Variants in SPATA17 observed in about 807,000 individuals in gnomAD.
The protein encoded by SPATA17 is spermatogenesis-associated protein 17.
Under a neutral mutation model 62.2 loss-of-function variants are expected in SPATA17, and 53 were observed. The ratio of observed to expected loss-of-function variants is 0.85; its 90% CI spans 0.68 to 1.07. The LOEUF (loss-of-function observed/expected upper bound fraction) is 1.07. Ranked by LOEUF, SPATA17 falls within the 50% of genes least tolerant of loss-of-function variation. The pLI is 0.00. For synonymous variants in SPATA17, 146 were observed against 146.8 expected (o/e 0.99, Z 0.04); for missense variants, 466 against 425.5 (o/e 1.10, Z -0.84).
intron 10 of SPATA17, among the ~76,000 whole-genome samples, chr1:217,863,521 G>T (rs555779036): frequency 6.6e-6 from 1 of 152,104 alleles, no homozygotes; most frequent in South Asian, 2.1e-4. Context: ...ACTTCTCAGT[G>T]CTGTGTTGAT....
At chr1:217,723,047 A>G (rs987761279) in intron 5 of SPATA17, among the ~76,000 whole-genome samples, 1 of 152,178 alleles carries the variant, frequency 6.6e-6, no homozygotes, top group Non-Finnish European at 1.5e-5. Flanking sequence ...AATCTTCCAC[A>G]TATAGACCCA....
intron 7 of SPATA17, among the ~76,000 whole-genome samples, chr1:217,780,504 A>G (rs1673705776): frequency 1.3e-5 from 2 of 152,148 alleles, no homozygotes; most frequent in Non-Finnish European, 2.9e-5. Flanking sequence ...TGGAACTAAT[A>G]AGTTCCAGAA....
At chr1:217,771,458 T>C (rs969203442) in intron 6 of SPATA17, among the ~76,000 whole-genome samples, 2 of 152,156 alleles carry the variant, frequency 1.3e-5, no homozygotes, top group Non-Finnish European at 2.9e-5. Context: ...GGCTTACTAA[T>C]GATGAAATAT....
Position 217,686,023 on chromosome 1 carries a change from A to G in SPATA17, c.395+2662A>G, listed in dbSNP as rs549423909. On this transcript the variant is annotated intron_variant, in intron 5 of 10. Transcript: ENST00000366933. ...TAGGTATGTATGTATGGGAGGAAAC[A>G]TATTATTTATAGGGTTCAATATTAT... Among the ~76,000 whole-genome samples the G allele has an allele frequency of 7.2e-5, 11 of 152,286 alleles. No homozygotes were observed. In the East Asian group the frequency reaches 2.1e-3, roughly 29 times the overall value.
At chr1:217,781,853 C>G (rs527486216) in intron 7 of SPATA17, among the ~76,000 whole-genome samples, 2 of 151,896 alleles carry the variant, frequency 1.3e-5, no homozygotes, top group African/African-American at 4.8e-5. Context: ...TTATACTGAA[C>G]AAAATGTGCT....
intron 9 of SPATA17, among the ~76,000 whole-genome samples, chr1:217,817,832 A>G (rs1674761702): frequency 1.3e-5 from 2 of 152,148 alleles, no homozygotes; most frequent in South Asian, 4.1e-4. Context: ...ACACATGCTT[A>G]GTGTACAGGC....
intron 8 of SPATA17, among the ~76,000 whole-genome samples, chr1:217,787,015 A>T (rs1179715316): frequency 1.3e-5 from 2 of 152,006 alleles, no homozygotes; most frequent in Non-Finnish European, 2.9e-5. Flanking sequence ...CTTGAGTGTG[A>T]ATTGCATCAC....
rs189909392 is a variant in SPATA17, at chr1:217,677,819, A to G, written c.292-5439A>G. On this transcript the variant is annotated intron_variant, in intron 4 of 10. Coordinates refer to ENST00000366933, the MANE Select transcript of SPATA17 (RefSeq NM_138796.4). ...CAGAATATTAAAGAGAGGAAACTGC[A>G]CATTTAATAATTATCCAGAATCTTT... Among the ~76,000 whole-genome samples the G allele has an allele frequency of 1.2e-3, 177 of 152,318 alleles. 1 individual carries two copies. Among genetic ancestry groups the G allele is most frequent in the Non-Finnish European group, 1.6e-3 (109 of 68,002 alleles).
chr1:217,759,756 A>C (rs1289338100), intron 6 of SPATA17, among the ~76,000 whole-genome samples: 1 of 152,212 alleles, frequency 6.6e-6, no homozygotes, highest in Non-Finnish European at 1.5e-5. Context: ...AAAGTAGTGC[A>C]GTAGTTTGAG....
chr1:217,806,893 A>C (rs904365543), intron 9 of SPATA17, among the ~76,000 whole-genome samples: 1 of 152,254 alleles, frequency 6.6e-6, no homozygotes, highest in Admixed American at 6.5e-5. Context: ...TGGCTACAAA[A>C]TTCAGGCTAT....
chr1:217,850,333 A>G, intron 9 of SPATA17: 2 of 528,176 alleles, frequency 3.8e-6, no homozygotes, highest in Admixed American at 3.3e-5. Flanking sequence ...TCTAAACTTA[A>G]GTGGGGGCAG....
chr1:217,765,114 T>C (rs1421570434), intron 6 of SPATA17, among the ~76,000 whole-genome samples: 2 of 152,022 alleles, frequency 1.3e-5, no homozygotes, highest in African/African-American at 2.4e-5. Flanking sequence ...TCTGTAGTAA[T>C]GTCTTCCCTT....
At chr1:217,786,750 T>TTTCTTCTTCTTCCTCTTCTTC (rs1446756516) in intron 8 of SPATA17, among the ~76,000 whole-genome samples, 11 of 107,550 alleles carry the variant, frequency 1.0e-4, no homozygotes, top group East Asian at 6.6e-4. Context: ...TGATATTCTC[T>TTTCTTCTTCTTCCTCTTCTTC]TTCTTCTTCT....
chr1:217,672,699 A>C (rs796283444), intron 4 of SPATA17, among the ~76,000 whole-genome samples: 12 of 152,132 alleles, frequency 7.9e-5, no homozygotes, highest in African/African-American at 2.9e-4. Flanking sequence ...GATTTGCTGC[A>C]TTTATTTTTT....
intron 1 of SPATA17, among the ~76,000 whole-genome samples, chr1:217,632,320 A>G (rs1669816696): frequency 6.6e-6 from 1 of 152,212 alleles, no homozygotes; most frequent in Admixed American, 6.5e-5. Flanking sequence ...TCATCTCCCT[A>G]CAGCCAAACT....
intron 9 of SPATA17, among the ~76,000 whole-genome samples, chr1:217,806,934 G>A (rs895995737): frequency 2.0e-5 from 3 of 151,922 alleles, no homozygotes; most frequent in East Asian, 1.9e-4. Context: ...TATATGCAGC[G>A]CACATACAGC....
intron 7 of SPATA17, among the ~76,000 whole-genome samples, chr1:217,777,786 A>T (rs1342196216): frequency 1.3e-5 from 2 of 152,126 alleles, no homozygotes; most frequent in Non-Finnish European, 2.9e-5. Context: ...CTGGAGTGAC[A>T]AGCATAGTGG....
chr1:217,810,986 C>A (rs1475355073), intron 9 of SPATA17, among the ~76,000 whole-genome samples: 1 of 152,034 alleles, frequency 6.6e-6, no homozygotes, highest in Non-Finnish European at 1.5e-5. Context: ...AGAGCCAAAC[C>A]ATATCACCCT....
intron 3 of SPATA17, among the ~76,000 whole-genome samples, chr1:217,659,369 A>T (rs1670516578): frequency 6.6e-6 from 1 of 152,128 alleles, no homozygotes; most frequent in African/African-American, 2.4e-5. Context: ...AAAATTAGAT[A>T]GTTGCTCTAG....
Sources: allele counts gnomAD v4.1 joint callset (sites outside exome capture counted in the v4.1 genomes callset), GRCh38; gene constraint gnomAD v4.1.1; transcripts MANE v1.5; gene names NCBI Gene and HGNC (gene_info 2026-07-23, HGNC 2026-07-21).